SLC13A1: variants seen among roughly 807,000 people sequenced by gnomAD.
The protein encoded by SLC13A1 is solute carrier family 13 member 1.
A neutral mutation model predicts 70.0 loss-of-function variants in SLC13A1; 65 were observed. The observed-to-expected ratio is 0.93, with a 90% CI of 0.76 to 1.14. SLC13A1 has a LOEUF of 1.14. Among genes scored for constraint, SLC13A1 ranks in the 50% most tolerant of loss-of-function variants. SLC13A1 has a pLI of 0.00. For missense variants in SLC13A1, 726 were observed against 717.8 expected (o/e 1.01, Z -0.13); for synonymous variants, 275 against 250.5 (o/e 1.10, Z -0.92).
At chr7:123,155,189 CATTGTAGA>C (rs1459195465) in intron 6 of SLC13A1, among the ~76,000 whole-genome samples, 1 of 151,874 alleles carries the variant, frequency 6.6e-6, no homozygotes, top group Non-Finnish European at 1.5e-5. Context: ...TGTACTCTTC[CATTGTAGA>C]AACTTTCTTG....
chr7:123,132,969 A>G (rs1793818354), intron 8 of SLC13A1, among the ~76,000 whole-genome samples: 1 of 152,166 alleles, frequency 6.6e-6, no homozygotes, highest in Non-Finnish European at 1.5e-5. Flanking sequence ...AGCCAAGATA[A>G]TATGTTGAAG....
intron 13 of SLC13A1, among the ~76,000 whole-genome samples, chr7:123,118,711 G>A (rs1793263179): frequency 6.6e-6 from 1 of 152,048 alleles, no homozygotes; most frequent in African/African-American, 2.4e-5. Flanking sequence ...TAGGAACAAT[G>A]TTTGAGAGGC....
At chr7:123,121,161 A>G (rs1446876806) in intron 12 of SLC13A1, among the ~76,000 whole-genome samples, 1 of 152,060 alleles carries the variant, frequency 6.6e-6, no homozygotes, top group Non-Finnish European at 1.5e-5. Flanking sequence ...GCTACAAAGT[A>G]AATCTCAATT....
At chr7:123,184,616 A>G (rs975509445) in intron 1 of SLC13A1, among the ~76,000 whole-genome samples, 1 of 151,746 alleles carries the variant, frequency 6.6e-6, no homozygotes, top group African/African-American at 2.4e-5. Flanking sequence ...ATAGTATTTC[A>G]TTCTGTCTCT....
At chr7:123,129,359 TG>T in intron 9 of SLC13A1, 23 bp downstream of exon 9, 2 of 1,193,368 alleles carry the variant, frequency 1.7e-6, no homozygotes, top group Non-Finnish European at 1.2e-6. Flanking sequence ...TGTGTGTGTG[TG>T]TGTGTGTGTG....
chr7:123,178,816 GT>G (rs896675814), intron 2 of SLC13A1, among the ~76,000 whole-genome samples: 1 of 152,102 alleles, frequency 6.6e-6, no homozygotes, highest in Non-Finnish European at 1.5e-5. Flanking sequence ...ATCACATAAA[GT>G]TTAAAACAAA....
intron 7 of SLC13A1, among the ~76,000 whole-genome samples, chr7:123,141,860 A>G (rs1317787335): frequency 6.6e-6 from 1 of 151,910 alleles, no homozygotes; most frequent in East Asian, 1.9e-4. Context: ...TGTCCAATAG[A>G]TCTTGTTTTT....
At chr7:123,177,408 A>G (rs1795482638) in intron 2 of SLC13A1, among the ~76,000 whole-genome samples, 1 of 152,072 alleles carries the variant, frequency 6.6e-6, no homozygotes, top group Non-Finnish European at 1.5e-5. Flanking sequence ...ACAGCAGCCC[A>G]AATTATCCTT....
At chr7:123,152,860 A>G (rs187268314) in intron 6 of SLC13A1, among the ~76,000 whole-genome samples, 20 of 152,266 alleles carry the variant, frequency 1.3e-4, no homozygotes, top group Admixed American at 1.2e-3. Flanking sequence ...TAAGATAGGG[A>G]AATAAGTTTA....
At chr7:123,145,577 A>C (rs1206819915) in intron 7 of SLC13A1, among the ~76,000 whole-genome samples, 1 of 152,224 alleles carries the variant, frequency 6.6e-6, no homozygotes, top group Non-Finnish European at 1.5e-5. Flanking sequence ...CATTTTCAAA[A>C]AGATGTCAGG....
chr7:123,117,468 C>T lies in SLC13A1; in HGVS notation c.1650+3G>A, dbSNP rs751018040. ...TTGATAGTATTTTTTTCAGCTAACT[C>T]ACCATGTCAATGACTTTCAGATGAC... On this transcript the variant is annotated splice_donor_region_variant and intron_variant, in intron 14 of 14. Transcript: ENST00000194130. 7 of 1,612,414 alleles carry T rather than the reference C, an allele frequency of 4.3e-6. No individual in the cohort carries two copies. The East Asian group carries it at 1.1e-4, about 26-fold the overall frequency.
chr7:123,147,444 G>C, intron 6 of SLC13A1, 134 bp from the exon 7 acceptor site: 2 of 1,025,358 alleles, frequency 2.0e-6, no homozygotes, highest in Non-Finnish European at 2.8e-6. Flanking sequence ...TTGGCAATGG[G>C]GCATTTGGAA....
At chr7:123,116,113 A>G (rs1300595358) in intron 14 of SLC13A1, among the ~76,000 whole-genome samples, 2 of 152,236 alleles carry the variant, frequency 1.3e-5, no homozygotes, top group Non-Finnish European at 2.9e-5. Context: ...TGGCAACTGT[A>G]TCTTTTATAT....
chr7:123,168,761 G>A (rs1473287931), intron 4 of SLC13A1, among the ~76,000 whole-genome samples, 200 bp from the exon 5 acceptor site: 1 of 152,070 alleles, frequency 6.6e-6, no homozygotes, highest in Non-Finnish European at 1.5e-5. Context: ...GTTAGTCAGA[G>A]CCAGAAATAA....
At chr7:123,190,687 G>A (rs986953480) in intron 1 of SLC13A1, 2 of 456,482 alleles carry the variant, frequency 4.4e-6, no homozygotes, top group East Asian at 1.4e-4. Context: ...AAGCTGTTGA[G>A]AATAAGCTGT....
In SLC13A1 at chr7:123,190,063, G is replaced by A. The variant is rs145356128; in HGVS notation, c.100-8962C>T. 9.6e-3 allele frequency among the ~76,000 whole-genome samples: 1,462 copies of A among 152,154 alleles called. 25 individuals are homozygous for A. The highest frequency in any genetic ancestry group is 0.033 in the African/African-American group (1,364 of 41,488). ...TCTCCAAATGATTCTCTCACTTAAA[G>A]ATATCCTTTTATATTCTATTTGATA... On this transcript the variant is annotated intron_variant, in intron 1 of 14. Transcript: ENST00000194130.
At chr7:123,151,209 C>T (rs1411140880) in intron 6 of SLC13A1, among the ~76,000 whole-genome samples, 3 of 151,710 alleles carry the variant, frequency 2.0e-5, no homozygotes, top group African/African-American at 7.3e-5. Context: ...CTGTAATCCC[C>T]ACTACTTGGG....
At chr7:123,159,351 A>T (rs1794811365) in intron 6 of SLC13A1, among the ~76,000 whole-genome samples, 1 of 152,204 alleles carries the variant, frequency 6.6e-6, no homozygotes, top group African/African-American at 2.4e-5. Context: ...GATAGGGCTG[A>T]TGTCCTTGTA....
intron 2 of SLC13A1, among the ~76,000 whole-genome samples, chr7:123,172,575 C>A (rs1293956522): frequency 1.3e-5 from 2 of 152,270 alleles, no homozygotes; most frequent in East Asian, 3.9e-4. Flanking sequence ...GAGCCGAGAT[C>A]GTGCCATTGC....
Sources: gnomAD v4.1 joint callset for allele counts (sites outside exome capture counted in the v4.1 genomes callset) on GRCh38, gnomAD v4.1.1 for gene constraint, MANE v1.5 for transcripts, NCBI Gene and HGNC (gene_info 2026-07-23, HGNC 2026-07-21) for gene names.